The following PUDP variants were observed in gnomAD, a reference collection of about 807,000 sequenced individuals.
PUDP encodes the protein pseudouridine 5'-phosphatase.
A neutral mutation model predicts 9.4 loss-of-function variants in PUDP; 8 were observed. The ratio of observed to expected loss-of-function variants is 0.85; its 90% CI spans 0.50 to 1.53. The LOEUF (loss-of-function observed/expected upper bound fraction) is 1.53, where lower values mean the gene tolerates loss of function less well. Ranked by LOEUF, PUDP falls within the 40% of genes most tolerant of loss-of-function variation. The pLI is 0.00. For missense variants in PUDP, 188 were observed against 189.7 expected (o/e 0.99, Z 0.05); for synonymous variants, 99 against 80.7 (o/e 1.23, Z -1.22).
chrX:7,133,290 G>A (rs1250370940), intron 1 of PUDP, among the ~76,000 whole-genome samples: 1 of 111,671 alleles, frequency 9.0e-6, no homozygotes, highest in African/African-American at 3.3e-5. Context: ...GGAGGTCAAG[G>A]GGTCATCAGA....
rs755463052 is a variant in PUDP at position 6,826,632 on chromosome X, A to G, written c.*248-120166T>C. Among the ~76,000 whole-genome samples the G allele has an allele frequency of 2.7e-5, 3 of 112,496 alleles. No individual in the cohort carries two copies. The East Asian group carries it at 8.3e-4, about 31-fold the overall frequency. ...TATGTGGATGTACAACGTAGCAAAAAAAGAAGAAGAAAATGTCAAGAACCT... is the reference window on the plus strand; with the variant it reads ...TATGTGGATGTACAACGTAGCAAAAGAAGAAGAAGAAAATGTCAAGAACCT... On this transcript the variant is annotated intron_variant and NMD_transcript_variant, in intron 3 of 3. Transcript: ENST00000655425.
At chrX:6,753,380 C>T (rs1297936242) in intron 3 of PUDP, among the ~76,000 whole-genome samples, 1 of 112,337 alleles carries the variant, frequency 8.9e-6, no homozygotes, top group Admixed American at 9.4e-5. Context: ...GAGTGATGGG[C>T]ATTTGAGTTG....
chrX:6,741,267 T>C (rs1924933227), intron 3 of PUDP, among the ~76,000 whole-genome samples: 1 of 111,183 alleles, frequency 9.0e-6, no homozygotes, highest in Admixed American at 9.5e-5. Flanking sequence ...TCCAACACAG[T>C]TTTTGAGAAT....
At chrX:7,094,204 A>T (rs1931504203) in intron 2 of PUDP, among the ~76,000 whole-genome samples, 1 of 111,560 alleles carries the variant, frequency 9.0e-6, no homozygotes, top group Non-Finnish European at 1.9e-5. Flanking sequence ...AATATCTAGG[A>T]TGATCAGAAG....
intron 3 of PUDP, among the ~76,000 whole-genome samples, chrX:6,762,757 G>A (rs1028284820): frequency 8.9e-6 from 1 of 112,291 alleles, no homozygotes; most frequent in African/African-American, 3.2e-5. Flanking sequence ...AAAGCATTTA[G>A]CAAACACAGA....
At chrX:7,147,876 G>T (rs1259120867) in intron 1 of PUDP, 177 bp downstream of exon 1, 15 of 224,298 alleles carry the variant, frequency 6.7e-5, no homozygotes, top group Non-Finnish European at 1.2e-4. Flanking sequence ...GCCCGCGGGC[G>T]CTCCTGGCCG....
intron 3 of PUDP, among the ~76,000 whole-genome samples, chrX:6,901,655 C>T (rs1927688145): frequency 8.9e-6 from 1 of 112,338 alleles, no homozygotes; most frequent in Non-Finnish European, 1.9e-5. Flanking sequence ...TCCAGATAGT[C>T]ACACTATAAT....
chrX:7,136,656 T>C (rs998419261), intron 1 of PUDP, among the ~76,000 whole-genome samples: 1 of 110,323 alleles, frequency 9.1e-6, no homozygotes, highest in Admixed American at 9.7e-5. Flanking sequence ...TTCTGGTCAT[T>C]ATTCTTTTGA....
rs145464586 is a variant in PUDP at position 7,022,067 on chromosome X, C to T, written c.205-43724G>A. 7.6e-4 allele frequency among the ~76,000 whole-genome samples: 85 copies of T among 111,356 alleles called. 1 individual carries two copies. The East Asian group carries it at 0.022, about 29-fold the overall frequency. On this transcript the variant is annotated intron_variant and NMD_transcript_variant, in intron 1 of 3. Transcript: ENST00000655425. ...ACAAACTGGACTGTGGGCACCATCTCGGCCAGGTCGGTACTTTCCTCTGCC... is the reference window on the plus strand; with the variant it reads ...ACAAACTGGACTGTGGGCACCATCTTGGCCAGGTCGGTACTTTCCTCTGCC...
At chrX:6,870,673 G>A (rs1202004535) in intron 3 of PUDP, among the ~76,000 whole-genome samples, 1 of 112,373 alleles carries the variant, frequency 8.9e-6, no homozygotes, top group Non-Finnish European at 1.9e-5. Context: ...TAAATTTTAT[G>A]TTATGTGTAT....
intron 3 of PUDP, among the ~76,000 whole-genome samples, chrX:6,877,834 C>G (rs1427110683): frequency 9.0e-6 from 1 of 111,693 alleles, no homozygotes; most frequent in Non-Finnish European, 1.9e-5. Context: ...GACTACAGAA[C>G]CTGTCCCCAC....
Position 6,770,462 on chromosome X carries a change from C to A in PUDP, c.*248-63996G>T, listed in dbSNP as rs779756757. On this transcript the variant is annotated intron_variant and NMD_transcript_variant, in intron 3 of 3. Coordinates refer to the PUDP transcript ENST00000655425. The stretch of plus-strand genomic sequence containing the variant: ...ACCATGCAGGCAGATAGGGATGGAG[C>A]CAGAAGCCTTGGTTTTTTTGTTTGT... Among the ~76,000 whole-genome samples the A allele has an allele frequency of 7.1e-5, 8 of 112,315 alleles. No individual in the cohort carries two copies. The South Asian group carries it at 3.0e-3, about 42-fold the overall frequency.
At chrX:6,948,606 A>G (rs1006959674) in intron 3 of PUDP, among the ~76,000 whole-genome samples, 6 of 111,999 alleles carry the variant, frequency 5.4e-5, no homozygotes, top group Admixed American at 9.5e-5. Flanking sequence ...AGCCCACGCT[A>G]TTGGTCCCAG....
intron 3 of PUDP, among the ~76,000 whole-genome samples, chrX:6,758,339 T>TGGG (rs1681385313): frequency 9.1e-6 from 1 of 110,196 alleles, no homozygotes; most frequent in Non-Finnish European, 1.9e-5. Context: ...GGCATGCACC[T>TGGG]CTGGTCCCTG....
chrX:6,736,455 TA>T (rs1031732842), intron 3 of PUDP, among the ~76,000 whole-genome samples: 1 of 112,122 alleles, frequency 8.9e-6, no homozygotes, highest in African/African-American at 3.2e-5. Flanking sequence ...AGGTGGGCCC[TA>T]ATATAATCAT....
chrX:7,017,074 C>T (rs1929560215), intron 1 of PUDP, among the ~76,000 whole-genome samples: 1 of 111,715 alleles, frequency 9.0e-6, no homozygotes, highest in Admixed American at 9.5e-5. Flanking sequence ...AGGGCTTCAC[C>T]CCACTGCCCG....
intron 3 of PUDP, among the ~76,000 whole-genome samples, chrX:6,800,119 A>G (rs1925908768): frequency 1.8e-5 from 2 of 112,155 alleles, no homozygotes; most frequent in Non-Finnish European, 3.8e-5. Flanking sequence ...GAAGAATTGT[A>G]TTTTACACAC....
chrX:6,933,816 C>T (rs1381300634), intron 3 of PUDP, among the ~76,000 whole-genome samples: 1 of 111,172 alleles, frequency 9.0e-6, no homozygotes, highest in African/African-American at 3.3e-5. Context: ...AACCAAGGCT[C>T]GAGAACTAGG....
intron 3 of PUDP, among the ~76,000 whole-genome samples, chrX:6,911,185 TTTGA>T (rs1428648731): frequency 9.1e-6 from 1 of 109,549 alleles, no homozygotes; most frequent in Non-Finnish European, 1.9e-5. Context: ...TGATTTTTTC[TTTGA>T]TTTTCTTTTT....
Sources: gnomAD v4.1 joint callset for allele counts (sites outside exome capture counted in the v4.1 genomes callset) on GRCh38, gnomAD v4.1.1 for gene constraint, MANE v1.5 for transcripts, NCBI Gene and HGNC (gene_info 2026-07-23, HGNC 2026-07-21) for gene names.